The following DDX10 variants were observed in gnomAD, a reference collection of about 807,000 sequenced individuals.
DDX10 encodes the protein probable ATP-dependent RNA helicase DDX10.
A neutral mutation model predicts 104.3 loss-of-function variants in DDX10; 74 were observed. The ratio of observed to expected loss-of-function variants is 0.71; its 90% CI spans 0.59 to 0.86. DDX10 has a LOEUF of 0.86. Among genes scored for constraint, DDX10 ranks in the 40% least tolerant of loss-of-function variants. The probability of loss-of-function intolerance (pLI) is 0.00; values close to 1 mark genes in which losing one functional copy is unlikely to be tolerated. For synonymous variants in DDX10, 351 were observed against 353.4 expected (o/e 0.99, Z 0.08); for missense variants, 952 against 1,040.0 (o/e 0.92, Z 1.16).
In DDX10 at chr11:108,895,647, T is replaced by TA. The variant is rs148520116; in HGVS notation, c.2305-22225dup. 1.3e-3 allele frequency among the ~76,000 whole-genome samples: 202 copies of TA among 152,198 alleles called. 5 individuals carry two copies. The East Asian group carries it at 0.037, about 28-fold the overall frequency. ...TTACTTAATAATATTGTTGTAGCACTAGTCTTTAGTAATTGTCACCAAAAA... is the reference window on the plus strand; with the variant it reads ...TTACTTAATAATATTGTTGTAGCACTAAGTCTTTAGTAATTGTCACCAAAAA... On this transcript the variant is annotated intron_variant, in intron 16 of 17. Coordinates refer to ENST00000322536, the MANE Select transcript of DDX10 (RefSeq NM_004398.4).
chr11:108,725,912 A>T (rs1591802251), intron 13 of DDX10, among the ~76,000 whole-genome samples: 1 of 151,922 alleles, frequency 6.6e-6, no homozygotes, highest in African/African-American at 2.4e-5. Flanking sequence ...TAGTTTTAGC[A>T]CTTACAATTT....
At chr11:108,920,893 G>C (rs1388715633) in intron 17 of DDX10, 1 of 152,234 alleles carries the variant, frequency 6.6e-6, no homozygotes, top group Non-Finnish European at 1.5e-5. Flanking sequence ...GACATGGCAG[G>C]TATCTCTGAG....
At chr11:108,738,757 G>C (rs2094321367) in intron 13 of DDX10, among the ~76,000 whole-genome samples, 1 of 152,142 alleles carries the variant, frequency 6.6e-6, no homozygotes, top group Non-Finnish European at 1.5e-5. Context: ...GAATTATGAA[G>C]AGTCTGAGAT....
chr11:108,674,124 C>T (rs1369052645), intron 2 of DDX10, among the ~76,000 whole-genome samples: 1 of 151,978 alleles, frequency 6.6e-6, no homozygotes, highest in Non-Finnish European at 1.5e-5. Context: ...GAGTTTGAGA[C>T]CAGCCTGGCC....
At chr11:108,699,568 C>T (rs898764157) in intron 9 of DDX10, among the ~76,000 whole-genome samples, 4 of 152,146 alleles carry the variant, frequency 2.6e-5, no homozygotes. Context: ...TCAGAGAGGG[C>T]AAATGACAGC....
intron 15 of DDX10, among the ~76,000 whole-genome samples, chr11:108,848,378 A>G (rs181191107): frequency 1.3e-5 from 2 of 152,302 alleles, no homozygotes; most frequent in Admixed American, 1.3e-4. Flanking sequence ...CTTGAGGACA[A>G]GGGACTCAGT....
At chr11:108,712,547 A>T (rs2094285824) in intron 10 of DDX10, among the ~76,000 whole-genome samples, 1 of 152,134 alleles carries the variant, frequency 6.6e-6, no homozygotes. Context: ...AGCACTTCAC[A>T]GGTAGTGTGA....
At chr11:108,727,184 TTATATGTTTTG>T (rs1293274194) in intron 13 of DDX10, among the ~76,000 whole-genome samples, 1 of 152,064 alleles carries the variant, frequency 6.6e-6, no homozygotes, top group Non-Finnish European at 1.5e-5. Context: ...TGAAAGCTTT[TTATATGTTTTG>T]CCAGCATAGA....
chr11:108,821,459 A>G (rs1039534037), intron 13 of DDX10, among the ~76,000 whole-genome samples: 17 of 152,154 alleles, frequency 1.1e-4, no homozygotes, highest in African/African-American at 3.6e-4. Flanking sequence ...TTTTAGTGTG[A>G]TGATTTACTA....
At chr11:108,747,637 C>T (rs2094333456) in intron 13 of DDX10, among the ~76,000 whole-genome samples, 1 of 152,146 alleles carries the variant, frequency 6.6e-6, no homozygotes, top group Non-Finnish European at 1.5e-5. Context: ...GCTGATTTCT[C>T]TGGCCTAATC....
chr11:108,898,362 G>A (rs558781001), intron 16 of DDX10, among the ~76,000 whole-genome samples: 22 of 152,090 alleles, frequency 1.4e-4, no homozygotes, highest in Admixed American at 5.9e-4. Context: ...TACATGTCTC[G>A]GAGTTCCCAG....
chr11:108,801,797 A>T (rs1057241135), intron 13 of DDX10, among the ~76,000 whole-genome samples: 2 of 152,144 alleles, frequency 1.3e-5, no homozygotes, highest in Non-Finnish European at 2.9e-5. Context: ...ATCAGCTACT[A>T]ACTGTCTTTC....
At chr11:108,929,617 C>T (rs1361006246) in intron 17 of DDX10, 1 of 152,014 alleles carries the variant, frequency 6.6e-6, no homozygotes, top group Non-Finnish European at 1.5e-5. Flanking sequence ...AGTGGCAACT[C>T]ATTAGAAAGG....
At chr11:108,887,959 T>TC (rs79322968) in intron 16 of DDX10, among the ~76,000 whole-genome samples, 45,681 of 151,432 alleles carry the variant, frequency 0.3, 8,991 homozygotes, top group African/African-American at 0.56. Context: ...ACAGCTTTTT[T>TC]CCCCCCCACT....
intron 13 of DDX10, among the ~76,000 whole-genome samples, chr11:108,820,627 G>C (rs766255074): frequency 6.6e-6 from 1 of 152,198 alleles, no homozygotes; most frequent in Non-Finnish European, 1.5e-5. Context: ...CGTCAGGCAC[G>C]TGGAGACTTT....
intron 15 of DDX10, among the ~76,000 whole-genome samples, chr11:108,844,307 C>T (rs746153881): frequency 4.6e-5 from 7 of 152,088 alleles, no homozygotes; most frequent in African/African-American, 7.2e-5. Flanking sequence ...TTTCTCTATT[C>T]GACTGATATA....
chr11:108,774,684 T>C (rs1248748232), intron 13 of DDX10, among the ~76,000 whole-genome samples: 1 of 152,202 alleles, frequency 6.6e-6, no homozygotes, highest in Non-Finnish European at 1.5e-5. Context: ...GTCTTTCTTA[T>C]GCTGTATTCT....
At chr11:108,676,354 G>A (rs1427769062) in intron 3 of DDX10, among the ~76,000 whole-genome samples, 20 of 151,900 alleles carry the variant, frequency 1.3e-4, no homozygotes, top group Admixed American at 1.3e-3. Flanking sequence ...ATCCTAGTGT[G>A]TTTTTGCCCC....
At chr11:108,885,146 T>C (rs1863279286) in intron 16 of DDX10, among the ~76,000 whole-genome samples, 1 of 152,154 alleles carries the variant, frequency 6.6e-6, no homozygotes. Context: ...TTCATTTGTT[T>C]GTTAATGTGA....
Sources: allele counts gnomAD v4.1 joint callset (sites outside exome capture counted in the v4.1 genomes callset), GRCh38; gene constraint gnomAD v4.1.1; transcripts MANE v1.5; gene names NCBI Gene and HGNC (gene_info 2026-07-23, HGNC 2026-07-21).